Variants in LTK observed in about 807,000 individuals in gnomAD.
LTK encodes the protein leukocyte tyrosine kinase receptor.
A neutral mutation model predicts 101.5 loss-of-function variants in LTK; 117 were observed. The ratio of observed to expected loss-of-function variants is 1.15; its 90% CI spans 0.99 to 1.34. The LOEUF is 1.34. Among genes scored for constraint, LTK ranks in the 40% most tolerant of loss-of-function variants. The pLI, the probability that LTK is intolerant of heterozygous loss-of-function variation, is 0.00. For missense variants in LTK, 1,252 were observed against 1,164.7 expected, an observed-to-expected ratio of 1.07 and a Z score of -1.09; for synonymous variants, 563 against 494.2, an observed-to-expected ratio of 1.14 and a Z score of -1.85.
chr15:41,507,499 C>G, intron 10 of LTK, 63 bp downstream of exon 10: 1 of 1,587,618 alleles, frequency 6.3e-7, no homozygotes, highest in Non-Finnish European at 8.6e-7. Flanking sequence ...CCCGCAGAAA[C>G]CCATCCCAGC....
rs778467523 is a variant in LTK, at chr15:41,505,694, C to T, written c.1697+19G>A. 15 of 1,613,274 alleles carry T rather than the reference C, an allele frequency of 9.3e-6. No homozygotes were observed. The highest frequency in any genetic ancestry group is 3.3e-5 in the Admixed American group (2 of 59,992). On this transcript the variant is annotated intron_variant, in intron 13 of 19. Transcript: ENST00000263800. ...ATTCCCCTCCCGCCTTCCAGCCCTGCCCCTGGTCCCAGGTGCACCTGATGA... is the reference window on the plus strand; with the variant it reads ...ATTCCCCTCCCGCCTTCCAGCCCTGTCCCTGGTCCCAGGTGCACCTGATGA...
intron 16 of LTK, 27 bp downstream of exon 16, chr15:41,504,945 A>C: frequency 1.3e-6 from 2 of 1,599,920 alleles, no homozygotes; most frequent in South Asian, 2.2e-5. Context: ...TTGGAGCAAG[A>C]GCCTTCCCAC....
chr15:41,505,892 G>A, intron 12 of LTK, 23 bp downstream of exon 12: 1 of 1,607,236 alleles, frequency 6.2e-7, no homozygotes, highest in African/African-American at 1.3e-5. Context: ...CCTACCCCCA[G>A]CCAGAAGTCC....
intron 9 of LTK, 95 bp from the exon 10 acceptor site, chr15:41,507,752 A>AT (rs2051335358): frequency 7.5e-7 from 1 of 1,338,230 alleles, no homozygotes; most frequent in Non-Finnish European, 1.0e-6. Context: ...TCAAGTGTTA[A>AT]TTTTTCCATG....
chr15:41,507,124 C>G lies in LTK; in HGVS notation c.1512G>C (p.Glu504Asp). Residue 504 changes from glutamate (E) to aspartate (D), a missense_variant, in exon 11 of 20, where the codon GAG (glutamate) becomes GAC (aspartate). Glu to Asp is a conservative substitution (Grantham distance 45). Coordinates refer to ENST00000263800, the MANE Select transcript of LTK (RefSeq NM_002344.6). ...GCAGAGTAACATTGGCTGGGGAAAC[C>G]TCGGTGACACCTGGTGGCAGAGGCC... ...QSWPLPPGVT[E>D]VSPANVTLLR... The G allele has an allele frequency of 6.2e-7, 1 of 1,613,526 alleles. No individual in the cohort carries two copies. The highest frequency in any genetic ancestry group is 8.5e-7 in the Non-Finnish European group (1 of 1,179,890).
At position 41,511,200 on chromosome 15, in the gene LTK, C is replaced by T. The variant is rs2051445482; in HGVS notation, c.961G>A (p.Ala321Thr). The change falls in exon 7 of 20, where the codon GCC becomes ACC. Residue 321 changes from alanine (A) to threonine (T), a missense_variant. By Grantham distance (58) the Ala-to-Thr change is moderately conservative. Transcript: ENST00000263800. The surrounding 1 kb of genome is among the most constrained non-coding windows in gnomAD (Gnocchi z 5.9). Reference protein sequence around the residue: ...AAGGFGGGGGACTAGGGGGGY... With the variant: ...AAGGFGGGGGTCTAGGGGGGY... ...CCGCCGCCTCCGCCCGCAGTGCAGG[C>T]CCCGCCGCCGCCCCCGAAGCCGCCG... 2 of 1,396,384 alleles carry T rather than the reference C, an allele frequency of 1.4e-6. No homozygotes were observed. The highest frequency in any genetic ancestry group is 1.8e-6 in the Non-Finnish European group (2 of 1,082,058). The allele number at this position is 1,396,384 out of a possible 1,614,324, so 86.5% of individuals were successfully genotyped here. A position where few individuals can be genotyped will look rare whatever the true frequency, so the allele number is the denominator to read the frequency against.
chr15:41,504,967 C>T lies in LTK; in HGVS notation c.2018+5G>A, dbSNP rs200660482. 2.4e-4 allele frequency: 387 copies of T among 1,607,578 alleles called. No individual in the cohort carries two copies. Among genetic ancestry groups the T allele is most frequent in the East Asian group, 1.1e-3 (48 of 44,806 alleles). On this transcript the variant is annotated splice_donor_5th_base_variant and intron_variant, in intron 16 of 19. Transcript: ENST00000263800. Reference sequence around the variant, plus strand: ...AAGAGCCTTCCCACCTCCCAAGTCCCGCACCGGTAGATATCTCGTGCCATC... The same window carrying T: ...AAGAGCCTTCCCACCTCCCAAGTCCTGCACCGGTAGATATCTCGTGCCATC...
Position 41,504,573 on chromosome 15 carries a change from G to T in LTK, c.2188C>A (p.Gln730Lys). 2.5e-6 allele frequency: 4 copies of T among 1,613,896 alleles called. No homozygotes were observed. The highest frequency in any genetic ancestry group is 3.4e-6 in the Non-Finnish European group (4 of 1,180,010). Residue 730 changes from glutamine to lysine, a missense_variant, in exon 18 of 20, where the codon CAG becomes AAG. Gln to Lys is a moderately conservative substitution (Grantham distance 53, BLOSUM62 1). Coordinates refer to ENST00000263800, the MANE Select transcript of LTK (RefSeq NM_002344.6). ...CCAACGACGAAGTCCAGCACCTCCT[G>T]GTTGGTGCGCCCAGGATAGGGCATG... ...GYMPYPGRTN[Q>K]EVLDFVVGGG...
intron 11 of LTK, 107 bp from the exon 12 acceptor site, chr15:41,506,112 C>T (rs2051273368): frequency 1.4e-6 from 1 of 709,686 alleles, no homozygotes; most frequent in Admixed American, 2.3e-5. Flanking sequence ...GCCCAGCTGA[C>T]CCTATATAGA....
Position 41,512,694 on chromosome 15 carries a change from G to C in LTK, c.359+13C>G. 1 of 1,554,536 alleles carries C rather than the reference G, an allele frequency of 6.4e-7. No individual in the cohort carries two copies. Among genetic ancestry groups the C allele is most frequent in the African/African-American group, 1.4e-5 (1 of 73,522 alleles). On this transcript the variant is annotated intron_variant, in intron 3 of 19. Coordinates refer to ENST00000263800, the MANE Select transcript of LTK (RefSeq NM_002344.6). ...GCAGGTCACTGTCCACCCTACCTCCGCCGTGCACTTACAGATACTGGCCAG... is the reference window on the plus strand; with the variant it reads ...GCAGGTCACTGTCCACCCTACCTCCCCCGTGCACTTACAGATACTGGCCAG...
Position 41,511,123 on chromosome 15 carries a change from C to A in LTK, c.997+41G>T. 1 of 1,369,528 alleles carries A rather than the reference C, an allele frequency of 7.3e-7. No homozygotes were observed. Among genetic ancestry groups the A allele is most frequent in the Non-Finnish European group, 9.4e-7 (1 of 1,066,240 alleles). 84.8% of individuals were successfully genotyped at this position (1,369,528 alleles called of 1,614,324 possible). ...TACTTAGGTTCTAACATCACCTCAC[C>A]CTCGGGCCTGCTCAGCTGCCCTCTC... On this transcript the variant is annotated intron_variant, in intron 7 of 19. Transcript: ENST00000263800. This position sits in a 1 kb window ranked among gnomAD's most constrained non-coding sequence, Gnocchi z 5.9.
rs376133874 is a variant in LTK at position 41,508,169 on chromosome 15, G to A, written c.1149C>T (p.His383=). 40 of 1,613,502 alleles carry A rather than the reference G, an allele frequency of 2.5e-5. No individual in the cohort carries two copies. Among genetic ancestry groups the A allele is most frequent in the Non-Finnish European group, 3.3e-5 (39 of 1,179,836 alleles). ...VEIRRHLNCS[H]CPLRDCQWQA... Reference sequence around the variant, plus strand: ...GCCATTGGCAGTCTCTCAAAGGGCAGTGACTGCAGTTGAGGTGCCTTCGGA... The same window carrying A: ...GCCATTGGCAGTCTCTCAAAGGGCAATGACTGCAGTTGAGGTGCCTTCGGA... The change falls in exon 9 of 20, where the codon CAC becomes CAT. Residue 383 remains histidine, a synonymous_variant. Coordinates refer to ENST00000263800, the MANE Select transcript of LTK (RefSeq NM_002344.6).
Position 41,504,135 on chromosome 15 carries a change from T to A in LTK, c.2456A>T (p.Gln819Leu). 1 of 1,614,062 alleles carries A rather than the reference T, an allele frequency of 6.2e-7. No homozygotes were observed. The highest frequency in any genetic ancestry group is 8.5e-7 in the Non-Finnish European group (1 of 1,180,000). ...CTTCTCTGGACTCAGTTCCTGGGGCTGTGGGGGTCTTAGGCACTCCAAAGA... is the reference window on the plus strand; with the variant it reads ...CTTCTCTGGACTCAGTTCCTGGGGCAGTGGGGGTCTTAGGCACTCCAAAGA... ...NRSLECLRPP[Q>L]PQELSPEKLK... is the part of the protein sequence containing the mutation. Residue 819 changes from glutamine to leucine, a missense_variant, in exon 20 of 20, where the codon CAG becomes CTG. Transcript: ENST00000263800.
rs112769941 is a variant in LTK at position 41,507,359 on chromosome 15, G to A, written c.1346-69C>T. 1.3e-5 allele frequency: 20 copies of A among 1,484,766 alleles called. No individual in the cohort carries two copies. The African/African-American group carries it at 2.5e-4, about 19-fold the overall frequency. The allele number at this position is 1,484,766 out of a possible 1,614,324, so 92.0% of individuals were successfully genotyped here. A position where few individuals can be genotyped will look rare whatever the true frequency, so the allele number is the denominator to read the frequency against. On this transcript the variant is annotated intron_variant, in intron 10 of 19. Transcript: ENST00000263800. ...AACTCTCCCTCCCCCACCTGCCCAG[G>A]ACACCCCTCCAGATGCTCATTAAGG... is the stretch of plus-strand genomic sequence containing the variant.
Position 41,511,555 on chromosome 15 carries a change from C to G in LTK, c.681G>C (p.Pro227=), listed in dbSNP as rs1595469253. The G allele has an allele frequency of 6.9e-7, 1 of 1,456,012 alleles. No homozygotes were observed. The highest frequency in any genetic ancestry group is 1.5e-5 in the African/African-American group (1 of 67,496). 90.2% of individuals were successfully genotyped at this position (1,456,012 alleles called of 1,614,324 possible). A position where few individuals can be genotyped will look rare whatever the true frequency, so the allele number is the denominator to read the frequency against. Residue 227 remains proline, a synonymous_variant, in exon 6 of 20, where the codon CCG becomes CCC. Coordinates refer to ENST00000263800, the MANE Select transcript of LTK (RefSeq NM_002344.6). This position sits in a 1 kb window ranked among gnomAD's most constrained non-coding sequence, Gnocchi z 5.9. ...VFRVRAGELE[P]LLVAAGGGGR... ...CGCCGCCTCCGGCCGCCACCAGCAA[C>G]GGTTCCAGCTCGCCAGCGCGCACCT...
chr15:41,505,699 G>A lies in LTK; in HGVS notation c.1697+14C>T. 6.2e-7 allele frequency: 1 copy of A among 1,613,514 alleles called. No homozygotes were observed. The stretch of plus-strand genomic sequence containing the variant: ...CCTCCCGCCTTCCAGCCCTGCCCCT[G>A]GTCCCAGGTGCACCTGATGATGAGG... On this transcript the variant is annotated intron_variant, in intron 13 of 19. Transcript: ENST00000263800.
chr15:41,505,383 C>G lies in LTK; in HGVS notation c.1827+18G>C, dbSNP rs75003184. ...GGGTCTTTAGAGGGGCCTGGGGGGG[C>G]TAAGACAAGGGTCTCACCAGGTGTG... On this transcript the variant is annotated intron_variant, in intron 14 of 19. Transcript: ENST00000263800. The G allele has an allele frequency of 6.2e-7, 1 of 1,602,270 alleles. No individual in the cohort carries two copies. Among genetic ancestry groups the G allele is most frequent in the Non-Finnish European group, 8.5e-7 (1 of 1,174,086 alleles).
Position 41,504,985 on chromosome 15 carries a change from G to T in LTK, c.2005C>A (p.Arg669=), listed in dbSNP as rs762878533. ...VAKIGDFGMA[R]DIYRASYYRR... is the part of the protein sequence containing the mutation. ...CAAGTCCCGCACCGGTAGATATCTC[G>T]TGCCATCCCAAAGTCCCCAATCTTG... is the stretch of plus-strand genomic sequence containing the variant. The change falls in exon 16 of 20, where the codon CGA becomes AGA. Residue 669 remains arginine (R), a synonymous_variant. Coordinates refer to ENST00000263800, the MANE Select transcript of LTK (RefSeq NM_002344.6). 5.0e-6 allele frequency: 8 copies of T among 1,611,930 alleles called. No homozygotes were observed. Among genetic ancestry groups the T allele is most frequent in the African/African-American group, 4.0e-5 (3 of 74,830 alleles).
Position 41,504,394 on chromosome 15 carries a change from T to G in LTK, c.2294A>C (p.Glu765Ala). The change falls in exon 19 of 20, where the codon GAG (glutamate) becomes GCG (alanine). Residue 765 changes from glutamate to alanine, a missense_variant. Coordinates refer to ENST00000263800, the MANE Select transcript of LTK (RefSeq NM_002344.6). The stretch of plus-strand genomic sequence containing the variant: ...GATGCTGGCAAAGCTAGGGCGGAGC[T>G]CAGGCTCGTGCTGCCAACACTGGGT... ...IMTQCWQHEP[E>A]LRPSFASILE... The G allele has an allele frequency of 6.2e-7, 1 of 1,614,136 alleles. No homozygotes were observed. Among genetic ancestry groups the G allele is most frequent in the Non-Finnish European group, 8.5e-7 (1 of 1,180,006 alleles).
Sources: allele counts gnomAD v4.1 joint callset, GRCh38; gene constraint gnomAD v4.1.1; non-coding constraint Gnocchi (gnomAD v3.1); transcripts MANE v1.5; gene names NCBI Gene and HGNC (gene_info 2026-07-23, HGNC 2026-07-21).